DCC: variants seen among roughly 807,000 people sequenced by gnomAD.
DCC encodes the protein DCC netrin 1 receptor, also known as netrin receptor DCC.
Under a neutral mutation model 172.5 loss-of-function variants are expected in DCC, and 58 were observed. The observed-to-expected ratio is 0.34, with a 90% CI of 0.27 to 0.42. The LOEUF (loss-of-function observed/expected upper bound fraction) is 0.42. Ranked by LOEUF, DCC falls within the 10% of genes least tolerant of loss-of-function variation. The probability of loss-of-function intolerance (pLI) is 1.00; values close to 1 mark genes in which losing one functional copy is unlikely to be tolerated. For missense variants in DCC, 1,740 were observed against 1,791.0 expected, an observed-to-expected ratio of 0.97 and a Z score of 0.51; for synonymous variants, 709 against 644.5, an observed-to-expected ratio of 1.10 and a Z score of -1.52.
intron 2 of DCC, among the ~76,000 whole-genome samples, chr18:52,785,343 T>C (rs1212685816): frequency 6.6e-6 from 1 of 152,024 alleles, no homozygotes; most frequent in East Asian, 1.9e-4. Context: ...TGCTCTTTGT[T>C]AGAAAATGAT....
chr18:53,265,244 A>T (rs1021474567), intron 12 of DCC, among the ~76,000 whole-genome samples: 1 of 152,212 alleles, frequency 6.6e-6, no homozygotes, highest in Non-Finnish European at 1.5e-5. Flanking sequence ...GTTCAGTATT[A>T]CAGCACTAAG....
intron 5 of DCC, among the ~76,000 whole-genome samples, chr18:52,969,357 A>C (rs1008699569): frequency 6.6e-6 from 1 of 152,138 alleles, no homozygotes; most frequent in Non-Finnish European, 1.5e-5. Context: ...TCCTTATATT[A>C]GCAAATAACA....
chr18:53,319,173 G>A (rs1231621930), intron 13 of DCC, among the ~76,000 whole-genome samples: 4 of 152,132 alleles, frequency 2.6e-5, no homozygotes, highest in Non-Finnish European at 5.9e-5. Context: ...GAATTGTAAA[G>A]ACCATTGACA....
At chr18:52,488,186 T>A (rs2144597990) in intron 1 of DCC, among the ~76,000 whole-genome samples, 1 of 152,288 alleles carries the variant, frequency 6.6e-6, no homozygotes, top group East Asian at 1.9e-4. Flanking sequence ...TTCCCAGAAT[T>A]ATTCCTCATT....
chr18:53,281,381 T>C (rs537939499), intron 12 of DCC, among the ~76,000 whole-genome samples: 2 of 152,262 alleles, frequency 1.3e-5, no homozygotes, highest in South Asian at 4.1e-4. Flanking sequence ...CTATATAAGG[T>C]CAACACACAC....
At chr18:53,391,130 G>A (rs1417932673) in intron 16 of DCC, among the ~76,000 whole-genome samples, 1 of 151,694 alleles carries the variant, frequency 6.6e-6, no homozygotes, top group Non-Finnish European at 1.5e-5. Context: ...TTCTTGCCCA[G>A]GAAATGTGTT....
At chr18:53,509,361 T>C (rs371795737) in intron 27 of DCC, among the ~76,000 whole-genome samples, 54 of 152,364 alleles carry the variant, frequency 3.5e-4, no homozygotes, top group African/African-American at 1.2e-3. Context: ...TATTAACTTC[T>C]AAGCTCAGCA....
At chr18:53,078,693 G>A (rs983962128) in intron 7 of DCC, among the ~76,000 whole-genome samples, 1 of 152,122 alleles carries the variant, frequency 6.6e-6, no homozygotes, top group Non-Finnish European at 1.5e-5. Context: ...AGCCTAAATA[G>A]TATAGGCAAT....
chr18:53,251,657 C>G (rs2056436345), intron 12 of DCC, among the ~76,000 whole-genome samples: 1 of 151,746 alleles, frequency 6.6e-6, no homozygotes, highest in East Asian at 1.9e-4. Context: ...ACAGCACTAT[C>G]AAATTGCGTG....
chr18:52,468,167 G>A (rs1988842031), intron 1 of DCC, among the ~76,000 whole-genome samples: 1 of 152,192 alleles, frequency 6.6e-6, no homozygotes, highest in African/African-American at 2.4e-5. Context: ...GCAGCTCGTA[G>A]TCTAGTGGTA....
chr18:52,761,908 C>CAAAAAAAAAAAAAAAAAAAAAA (rs1222086354), intron 2 of DCC, among the ~76,000 whole-genome samples: 6 of 48,444 alleles, frequency 1.2e-4, no homozygotes, highest in African/African-American at 3.6e-4. Context: ...GACTCTGTCT[C>CAAAAAAAAAAAAAAAAAAAAAA]AAAAAAAAAA....
chr18:53,336,091 T>C (rs777425307), intron 14 of DCC, among the ~76,000 whole-genome samples: 16 of 152,154 alleles, frequency 1.1e-4, no homozygotes, highest in Non-Finnish European at 1.6e-4. Context: ...AATTTAAATA[T>C]TTCAGGCAAA....
At chr18:52,764,788 T>A (rs974209165) in intron 2 of DCC, among the ~76,000 whole-genome samples, 14 of 152,196 alleles carry the variant, frequency 9.2e-5, no homozygotes, top group African/African-American at 3.1e-4. Context: ...ATTTTCCATG[T>A]ACTGATTTGT....
intron 1 of DCC, among the ~76,000 whole-genome samples, chr18:52,402,122 A>G (rs1459084729): frequency 6.6e-6 from 1 of 152,002 alleles, no homozygotes; most frequent in Admixed American, 6.6e-5. Context: ...ATTGGGTTAT[A>G]CTTTAGAAAT....
At chr18:53,332,981 G>T (rs2057547377) in intron 14 of DCC, among the ~76,000 whole-genome samples, 1 of 151,492 alleles carries the variant, frequency 6.6e-6, no homozygotes. Context: ...GAGGTGGGAA[G>T]ATCACTTGAG....
intron 5 of DCC, among the ~76,000 whole-genome samples, chr18:52,945,198 T>G (rs1475564084): frequency 6.6e-6 from 1 of 152,208 alleles, no homozygotes; most frequent in East Asian, 1.9e-4. Context: ...TGCTATTGTT[T>G]CCTTTAAAAA....
At chr18:52,950,357 C>T (rs969126095) in intron 5 of DCC, among the ~76,000 whole-genome samples, 1 of 152,212 alleles carries the variant, frequency 6.6e-6, no homozygotes, top group Non-Finnish European at 1.5e-5. Flanking sequence ...GCCAGGCTGA[C>T]TCATCTTTCC....
chr18:52,757,810 C>T (rs1443150128), intron 2 of DCC, among the ~76,000 whole-genome samples: 2 of 152,034 alleles, frequency 1.3e-5, no homozygotes, highest in Admixed American at 6.6e-5. Flanking sequence ...GATTTAAGTA[C>T]CCAAATTGAC....
At chr18:52,742,161 T>A (rs1444399775) in intron 1 of DCC, among the ~76,000 whole-genome samples, 2 of 152,126 alleles carry the variant, frequency 1.3e-5, no homozygotes, top group Non-Finnish European at 2.9e-5. Context: ...AGCTTCTAAG[T>A]CTGTGGGAAA....
Sources: gnomAD v4.1 joint callset for allele counts (sites outside exome capture counted in the v4.1 genomes callset) on GRCh38, gnomAD v4.1.1 for gene constraint, MANE v1.5 for transcripts, NCBI Gene and HGNC (gene_info 2026-07-23, HGNC 2026-07-21) for gene names.